CDH13: variants seen among roughly 807,000 people sequenced by gnomAD.
CDH13 encodes cadherin 13.
In CDH13, 24 loss-of-function variants were observed where a neutral mutation model predicts 63.8. That is an observed-to-expected ratio of 0.38 (90% CI 0.27 to 0.53). The LOEUF is 0.53. Among genes scored for constraint, CDH13 ranks in the 20% least tolerant of loss-of-function variants. The pLI is 0.85. For synonymous variants in CDH13, 503 were observed against 355.3 expected, an observed-to-expected ratio of 1.42 and a Z score of -4.67; for missense variants, 1,049 against 903.1, an observed-to-expected ratio of 1.16 and a Z score of -2.07.
At chr16:82,650,562 C>T (rs1042876923) in intron 1 of CDH13, among the ~76,000 whole-genome samples, 2 of 152,190 alleles carry the variant, frequency 1.3e-5, no homozygotes, top group Non-Finnish European at 2.9e-5. Flanking sequence ...TATTTGGGCT[C>T]AGGGTTTGCT....
intron 2 of CDH13, among the ~76,000 whole-genome samples, chr16:83,000,218 AG>A (rs1231925333): frequency 4.0e-5 from 2 of 50,184 alleles, no homozygotes; most frequent in African/African-American, 7.0e-5. Flanking sequence ...CCACAGGTTT[AG>A]CTTATTTTTT....
intron 10 of CDH13, among the ~76,000 whole-genome samples, chr16:83,695,836 A>C (rs1238461677): frequency 6.6e-6 from 1 of 152,180 alleles, no homozygotes; most frequent in Non-Finnish European, 1.5e-5. Context: ...AGGGAGGTCG[A>C]ACCTTTCGTG....
chr16:83,532,663 C>G (rs1598236518), intron 7 of CDH13, among the ~76,000 whole-genome samples: 2 of 152,242 alleles, frequency 1.3e-5, no homozygotes, highest in Non-Finnish European at 2.9e-5. Flanking sequence ...CCTCTGCAAT[C>G]TCTGCAGTGG....
At chr16:83,460,121 A>G (rs2073136608) in intron 6 of CDH13, among the ~76,000 whole-genome samples, 1 of 152,256 alleles carries the variant, frequency 6.6e-6, no homozygotes, top group African/African-American at 2.4e-5. Flanking sequence ...ACAGAATAAG[A>G]AAAATGACTA....
chr16:83,497,421 A>G (rs2074171368), intron 7 of CDH13, among the ~76,000 whole-genome samples: 1 of 151,174 alleles, frequency 6.6e-6, no homozygotes, highest in Admixed American at 6.6e-5. Flanking sequence ...ACAAAAAACC[A>G]AACACCGCAT....
intron 1 of CDH13, among the ~76,000 whole-genome samples, chr16:82,692,666 G>T (rs1276710847): frequency 6.6e-6 from 1 of 152,234 alleles, no homozygotes; most frequent in Non-Finnish European, 1.5e-5. Context: ...AGGATGCCTT[G>T]AATAGGTGAT....
intron 2 of CDH13, among the ~76,000 whole-genome samples, chr16:82,942,448 C>T (rs1158394313): frequency 5.9e-5 from 9 of 152,116 alleles, no homozygotes; most frequent in African/African-American, 2.2e-4. Context: ...GTTATAAGTG[C>T]TCTGGTAATA....
At position 83,363,972 on chromosome 16, in the gene CDH13, G is replaced by A. The variant is rs114349232; in HGVS notation, c.781+18966G>A. Among the ~76,000 whole-genome samples the A allele has an allele frequency of 9.1e-3, 1,387 of 152,196 alleles. 16 individuals carry two copies. The highest frequency in any genetic ancestry group is 0.031 in the African/African-American group (1,289 of 41,530). On this transcript the variant is annotated intron_variant, in intron 6 of 13. Transcript: ENST00000567109. ...GTTTGTGAGCAATTTTGGGATAGGA[G>A]CCATGACATTAATACTTCTTGAATC... is the stretch of plus-strand genomic sequence containing the variant.
chr16:82,710,662 T>A (rs1348844473), intron 1 of CDH13, among the ~76,000 whole-genome samples: 7 of 145,314 alleles, frequency 4.8e-5, no homozygotes, highest in Non-Finnish European at 3.0e-5. Context: ...TTATTTGATT[T>A]AAAAATATAC....
At chr16:83,468,727 G>C (rs1399555914) in intron 6 of CDH13, among the ~76,000 whole-genome samples, 1 of 152,068 alleles carries the variant, frequency 6.6e-6, no homozygotes. Flanking sequence ...TGATGAAGTT[G>C]AGCTGCCTAT....
chr16:83,305,641 C>T (rs191176381), intron 5 of CDH13, among the ~76,000 whole-genome samples: 46 of 152,302 alleles, frequency 3.0e-4, no homozygotes, highest in African/African-American at 1.0e-3. Context: ...GGCGACATGG[C>T]ATGTGACTTG....
chr16:83,232,890 A>G (rs1332508410), intron 5 of CDH13, among the ~76,000 whole-genome samples: 1 of 152,220 alleles, frequency 6.6e-6, no homozygotes. Context: ...TTTATGCCTT[A>G]AAGGAAGCTT....
intron 1 of CDH13, among the ~76,000 whole-genome samples, chr16:82,857,366 C>G (rs190148064): frequency 4.6e-5 from 7 of 152,186 alleles, no homozygotes; most frequent in Non-Finnish European, 8.8e-5. Context: ...TGTTACGGAG[C>G]CTCTTCTCTG....
intron 2 of CDH13, among the ~76,000 whole-genome samples, chr16:82,879,579 TA>T (rs1408844981): frequency 2.8e-5 from 4 of 141,850 alleles, no homozygotes; most frequent in Admixed American, 7.2e-5. Context: ...TTATATACAA[TA>T]TTATATATTA....
At chr16:82,831,149 G>T (rs758276391) in intron 1 of CDH13, among the ~76,000 whole-genome samples, 2 of 152,084 alleles carry the variant, frequency 1.3e-5, no homozygotes, top group Non-Finnish European at 2.9e-5. Flanking sequence ...TGTTGAATAG[G>T]AATCTACATT....
chr16:83,006,785 T>G (rs1040992927), intron 2 of CDH13, among the ~76,000 whole-genome samples: 12 of 152,232 alleles, frequency 7.9e-5, no homozygotes, highest in African/African-American at 2.9e-4. Context: ...ATAAGTTATT[T>G]GGATGTTTTA....
chr16:82,925,266 G>A (rs1315511014), intron 2 of CDH13, among the ~76,000 whole-genome samples: 3 of 152,126 alleles, frequency 2.0e-5, no homozygotes, highest in African/African-American at 4.8e-5. Context: ...CCAGAGAGGT[G>A]GCCCCTCAGA....
intron 6 of CDH13, among the ~76,000 whole-genome samples, chr16:83,376,339 G>A (rs1045690068): frequency 1.3e-5 from 2 of 152,164 alleles, no homozygotes; most frequent in Admixed American, 6.5e-5. Context: ...AGCCAGGTAT[G>A]GGGGAAAGGT....
intron 5 of CDH13, among the ~76,000 whole-genome samples, chr16:83,227,397 G>A (rs1452535425): frequency 6.6e-6 from 1 of 152,132 alleles, no homozygotes; most frequent in Admixed American, 6.5e-5. Flanking sequence ...TGTGAAGCCA[G>A]CCTTGGGCCT....
Sources: gnomAD v4.1 joint callset for allele counts (sites outside exome capture counted in the v4.1 genomes callset) on GRCh38, gnomAD v4.1.1 for gene constraint, MANE v1.5 for transcripts, NCBI Gene and HGNC (gene_info 2026-07-23, HGNC 2026-07-21) for gene names.